Variants in CROCC observed in about 807,000 individuals in gnomAD.
The protein encoded by CROCC is ciliary rootlet coiled-coil, rootletin, also known as rootletin.
Under a neutral mutation model 245.2 loss-of-function variants are expected in CROCC, and 180 were observed. The observed-to-expected ratio is 0.73, with a 90% CI of 0.65 to 0.83. The LOEUF is 0.83. Among genes scored for constraint, CROCC ranks in the 40% least tolerant of loss-of-function variants. The probability of loss-of-function intolerance (pLI) is 0.00; values close to 1 mark genes in which losing one functional copy is unlikely to be tolerated. For missense variants in CROCC, 2,688 were observed against 2,779.4 expected (o/e 0.97, Z 0.74); for synonymous variants, 1,205 against 1,241.6 (o/e 0.97, Z 0.62).
upstream of CROCC, among the ~76,000 whole-genome samples, chr1:16,921,608 C>A (rs541383666): frequency 2.5e-4 from 38 of 152,402 alleles, no homozygotes; most frequent in African/African-American, 8.9e-4. Flanking sequence ...CCTTTCCCGC[C>A]GCATGGCTAC....
intron 1 of CROCC, among the ~76,000 whole-genome samples, chr1:16,914,085 C>G (rs1447297050): frequency 8.3e-4 from 125 of 150,822 alleles, no homozygotes; most frequent in African/African-American, 2.9e-3. Flanking sequence ...ACGCCCCGCC[C>G]GGTCCGGCCC....
rs1413793562 is a variant in CROCC at position 16,960,950 on chromosome 1, G to T, written c.4225G>T (p.Glu1409Ter). The change falls in exon 27 of 37, where the codon GAG becomes TAG. Residue 1409 changes from glutamate to a stop codon, truncating the protein, a stop_gained. Coordinates refer to ENST00000375541, the MANE Select transcript of CROCC (RefSeq NM_014675.5). LOFTEE classifies it high-confidence loss of function. ...GCTGGGCCTGCGGCTGAGCGCAGCCGAGGGCCGGGCACAAGGCCTGGAGGC... is the reference window on the plus strand; with the variant it reads ...GCTGGGCCTGCGGCTGAGCGCAGCCTAGGGCCGGGCACAAGGCCTGGAGGC... ...AELGLRLSAA[E>*]GRAQGLEAEL... is the part of the protein sequence containing the mutation. The T allele has an allele frequency of 7.1e-7, 1 of 1,411,718 alleles. No individual in the cohort carries two copies. Among genetic ancestry groups the T allele is most frequent in the East Asian group, 3.0e-5 (1 of 33,538 alleles). The allele number at this position is 1,411,718 out of a possible 1,614,324, so 87.4% of individuals were successfully genotyped here.
In CROCC at chr1:16,951,151, G is replaced by T. The variant is rs769389575; in HGVS notation, c.3006+29G>T. The stretch of plus-strand genomic sequence containing the variant: ...CAGGCAGCTGGGGAGGGGTGGGCAG[G>T]ACTCTGAGCCAGTGTTTCATCATCG... On this transcript the variant is annotated intron_variant, in intron 20 of 36. Coordinates refer to ENST00000375541, the MANE Select transcript of CROCC (RefSeq NM_014675.5). The T allele has an allele frequency of 1.9e-5, 28 of 1,451,214 alleles. No individual in the cohort carries two copies. The African/African-American group carries it at 3.4e-4, about 18-fold the overall frequency. 89.9% of individuals were successfully genotyped at this position (1,451,214 alleles called of 1,614,324 possible).
At chr1:16,918,851 C>T (rs1277080415), upstream of CROCC, among the ~76,000 whole-genome samples, 1 of 152,130 alleles carries the variant, frequency 6.6e-6, no homozygotes, top group Non-Finnish European at 1.5e-5. Flanking sequence ...ATTCTTGTGC[C>T]TCAGCCTCCC....
Position 16,930,592 on chromosome 1 carries a change from G to A in CROCC, c.847G>A (p.Glu283Lys), listed in dbSNP as rs71644019. The A allele has an allele frequency of 1.2e-6, 2 of 1,608,550 alleles. No individual in the cohort carries two copies. Among genetic ancestry groups the A allele is most frequent in the Non-Finnish European group, 1.7e-6 (2 of 1,178,244 alleles). ...HREAAWRREE[E>K]SFNAYFSNEH... is the part of the protein sequence containing the mutation. ...GGAGGCGGCGTGGAGGCGCGAGGAG[G>A]AGGTGGGCATGGGGGTGCAGGGAGG... The change falls in exon 7 of 37, where the codon GAG becomes AAG. Residue 283 changes from glutamate to lysine, a missense_variant and splice_region_variant. Glu to Lys is a moderately conservative substitution (Grantham distance 56). This residue lies in a region of CROCC where 972 missense variants were observed against 895.3 expected (regional missense o/e 1.09). Transcript: ENST00000375541.
upstream of CROCC, among the ~76,000 whole-genome samples, chr1:16,919,643 G>C (rs1360576057): frequency 3.3e-5 from 5 of 152,296 alleles, no homozygotes. Context: ...ACAACTCTAA[G>C]GGCAGGAGCC....
At chr1:16,951,826 T>C (rs1434704421) in intron 20 of CROCC, 3 of 156,714 alleles carry the variant, frequency 1.9e-5, no homozygotes, top group African/African-American at 7.2e-5. Context: ...CACCCTGCAG[T>C]ACCCCTGGCC....
At chr1:16,918,408 GGAGA>G (rs1416256158), upstream of CROCC, among the ~76,000 whole-genome samples, 1 of 152,076 alleles carries the variant, frequency 6.6e-6, no homozygotes, top group Admixed American at 6.6e-5. Context: ...GGACTCTGGG[GGAGA>G]ACTTTGGGGA....
At chr1:16,923,515 C>T (rs532828390) in intron 2 of CROCC, among the ~76,000 whole-genome samples, 2 of 152,374 alleles carry the variant, frequency 1.3e-5, no homozygotes, top group Admixed American at 1.3e-4. Flanking sequence ...CCCCGCTTCT[C>T]CCGCTGGCCT....
At chr1:16,929,799 G>A (rs2100356688) in intron 3 of CROCC, 47 bp from the exon 4 acceptor site, 1 of 1,480,352 alleles carries the variant, frequency 6.8e-7, no homozygotes, top group South Asian at 1.3e-5. Context: ...GCCTGAGCCT[G>A]CCTTCCCAGG....
In CROCC at chr1:16,960,909, G is replaced by C. The variant is rs1359247954; in HGVS notation, c.4184G>C (p.Arg1395Pro). ...CTGGAGCTGAAGCTGGAGGCGGCGCGGGCCGAGGCTGCAGAGCTGGGCCTG... is the reference window on the plus strand; with the variant it reads ...CTGGAGCTGAAGCTGGAGGCGGCGCCGGCCGAGGCTGCAGAGCTGGGCCTG... The part of the protein sequence containing the change: ...RGLELKLEAA[R>P]AEAAELGLRL... Residue 1395 changes from arginine to proline, a missense_variant, in exon 27 of 37, where the codon CGG becomes CCG. Coordinates refer to ENST00000375541, the MANE Select transcript of CROCC (RefSeq NM_014675.5). 6.6e-7 allele frequency: 1 copy of C among 1,505,650 alleles called. No individual in the cohort carries two copies. Among genetic ancestry groups the C allele is most frequent in the Non-Finnish European group, 8.8e-7 (1 of 1,134,518 alleles). 93.3% of individuals were successfully genotyped at this position (1,505,650 alleles called of 1,614,324 possible).
intron 2 of CROCC, among the ~76,000 whole-genome samples, chr1:16,923,089 G>A (rs11203427): frequency 0.19 from 27,343 of 147,676 alleles, no homozygotes; most frequent in East Asian, 0.4. Flanking sequence ...ATTCCCACCC[G>A]GGGAAGGTGT....
chr1:16,946,962 CGCAGCCAGCTGCAGGA>C lies in CROCC; in HGVS notation c.2491_2506del (p.Gln831Ter), dbSNP rs2076063444. The C allele has an allele frequency of 6.4e-7, 1 of 1,555,802 alleles. No individual in the cohort carries two copies. The highest frequency in any genetic ancestry group is 8.7e-7 in the Non-Finnish European group (1 of 1,150,574). On this transcript the variant is annotated frameshift_variant, in exon 17 of 37. Transcript: ENST00000375541. LOFTEE classifies it high-confidence loss of function. ...GCAGCTCCCCACGCTGCGCCATGAG[CGCAGCCAGCTGCAGGA>C]GCAGCTAGCGCAGGTGGGCAAAGCT...
chr1:16,924,372 G>C lies in CROCC; in HGVS notation c.244G>C (p.Glu82Gln). The C allele has an allele frequency of 6.2e-7, 1 of 1,613,274 alleles. No homozygotes were observed. The highest frequency in any genetic ancestry group is 2.2e-5 in the East Asian group (1 of 44,890). The change falls in exon 3 of 37, where the codon GAG (glutamate) becomes CAG (glutamine). Residue 82 changes from glutamate (E) to glutamine (Q), a missense_variant. By Grantham distance (29) the Glu-to-Gln change is conservative (BLOSUM62 2). Coordinates refer to ENST00000375541, the MANE Select transcript of CROCC (RefSeq NM_014675.5). ...GGCATCGCTGCTGTCGCTGCAGGAG[G>C]AGAACCAGCTGCTGCAGCAGGAGCT... ...EMASLLSLQE[E>Q]NQLLQQELSR... is the part of the protein sequence containing the mutation.
At chr1:16,967,780 A>G (rs968826658) in intron 30 of CROCC, among the ~76,000 whole-genome samples, 1 of 152,096 alleles carries the variant, frequency 6.6e-6, no homozygotes, top group African/African-American at 2.4e-5. Context: ...GCCCCCTCAG[A>G]ACTGTCCGGC....
In CROCC at chr1:16,946,272, G is replaced by T; in HGVS notation, c.2150G>T (p.Arg717Leu). ...AEALTKAEAG[R>L]VELELSMTKL... ...CTGACCCTGCAGGCTGAGGCTGGCC[G>T]CGTGGAGCTCGAGCTCTCCATGACC... Residue 717 changes from arginine to leucine, a missense_variant, in exon 16 of 37, where the codon CGC becomes CTC. By Grantham distance (102) the Arg-to-Leu change is moderately radical. This residue lies in a region of CROCC where 295 missense variants were observed against 241.7 expected (regional missense o/e 1.22). Coordinates refer to ENST00000375541, the MANE Select transcript of CROCC (RefSeq NM_014675.5). 2 of 1,612,962 alleles carry T rather than the reference G, an allele frequency of 1.2e-6. No individual in the cohort carries two copies. Among genetic ancestry groups the T allele is most frequent in the Non-Finnish European group, 1.7e-6 (2 of 1,179,756 alleles).
intron 13 of CROCC, among the ~76,000 whole-genome samples, chr1:16,942,164 C>T (rs1214837173): frequency 6.6e-6 from 1 of 152,254 alleles, no homozygotes. Flanking sequence ...GCACACACCA[C>T]CACGCCTGCC....
Position 16,972,396 on chromosome 1 carries a change from C to A in CROCC, c.6004C>A (p.Arg2002=). The A allele has an allele frequency of 6.2e-7, 1 of 1,613,914 alleles. No individual in the cohort carries two copies. The highest frequency in any genetic ancestry group is 8.5e-7 in the Non-Finnish European group (1 of 1,179,916). Residue 2002 remains arginine, a synonymous_variant, in exon 37 of 37, where the codon CGA becomes AGA. Transcript: ENST00000375541. Reference sequence around the variant, plus strand: ...GAAGGGCCAGCTGCAGCAGGAGCTTCGAAGGAGCTCAGCACCCTTCTCCCC... The same window carrying A: ...GAAGGGCCAGCTGCAGCAGGAGCTTAGAAGGAGCTCAGCACCCTTCTCCCC... ...TLKGQLQQEL[R]RSSAPFSPPS...
intron 8 of CROCC, among the ~76,000 whole-genome samples, chr1:16,932,582 C>T (rs1310042484): frequency 6.6e-6 from 1 of 152,250 alleles, no homozygotes; most frequent in Non-Finnish European, 1.5e-5. Flanking sequence ...GGAATTTGCA[C>T]AGAGCCTCAA....
Sources: gnomAD v4.1 joint callset for allele counts (sites outside exome capture counted in the v4.1 genomes callset) on GRCh38, gnomAD v4.1.1 for gene constraint, gnomAD v4.1.1 regional missense constraint, MANE v1.5 for transcripts, NCBI Gene and HGNC (gene_info 2026-07-23, HGNC 2026-07-21) for gene names.